RTTN: variants seen among roughly 807,000 people sequenced by gnomAD.
The protein encoded by RTTN is rotatin.
In RTTN, 182 loss-of-function variants were observed where a neutral mutation model predicts 269.2. The observed-to-expected ratio is 0.68, with a 90% CI of 0.60 to 0.76. The LOEUF is 0.76. Ranked by LOEUF, RTTN falls within the 30% of genes least tolerant of loss-of-function variation. RTTN has a pLI of 0.00. For missense variants in RTTN, 2,545 were observed against 2,608.6 expected (o/e 0.98, Z 0.53); for synonymous variants, 1,006 against 963.5 (o/e 1.04, Z -0.82).
intron 10 of RTTN, among the ~76,000 whole-genome samples, chr18:70,181,343 A>G (rs759549154): frequency 6.6e-6 from 1 of 152,218 alleles, no homozygotes; most frequent in African/African-American, 2.4e-5. Context: ...CAGGAGGTGA[A>G]AGCTACTTTC....
chr18:70,189,612 T>A (rs1289313950), intron 9 of RTTN, among the ~76,000 whole-genome samples: 2 of 152,234 alleles, frequency 1.3e-5, no homozygotes. Flanking sequence ...AAAAGAATCG[T>A]GGTTCAAGTC....
rs1216648089 is a variant in RTTN at position 70,145,793 on chromosome 18, C to T, written c.2310-10G>A. ...TGCTAGCGAACGGACCCTGAGAACA[C>T]AAAGTACTTAAGTCGAACTTTCGTG... On this transcript the variant is annotated splice_polypyrimidine_tract_variant and intron_variant, in intron 17 of 48. Coordinates refer to ENST00000640769, the MANE Select transcript of RTTN (RefSeq NM_173630.4). The T allele has an allele frequency of 6.3e-7, 1 of 1,593,740 alleles. No homozygotes were observed. Among genetic ancestry groups the T allele is most frequent in the South Asian group, 1.2e-5 (1 of 86,158 alleles).
intron 28 of RTTN, among the ~76,000 whole-genome samples, chr18:70,102,059 T>A (rs1337204884): frequency 6.6e-6 from 1 of 152,172 alleles, no homozygotes; most frequent in African/African-American, 2.4e-5. Flanking sequence ...TTCTGTTGAT[T>A]TGGGGTGGAG....
At chr18:70,109,763 G>A in intron 27 of RTTN, 46 bp from the exon 28 acceptor site, 3 of 1,420,808 alleles carry the variant, frequency 2.1e-6, no homozygotes, top group Non-Finnish European at 3.0e-6. Context: ...AAAGTATAAT[G>A]GGCTTAATGG....
intron 34 of RTTN, among the ~76,000 whole-genome samples, chr18:70,071,348 A>G (rs1198698553): frequency 1.3e-5 from 2 of 152,216 alleles, no homozygotes; most frequent in African/African-American, 4.8e-5. Flanking sequence ...AGGCTCAAAA[A>G]GAAAGGAATT....
chr18:70,186,717 C>T (rs1336945779), intron 10 of RTTN, among the ~76,000 whole-genome samples: 2 of 152,174 alleles, frequency 1.3e-5, no homozygotes, highest in Non-Finnish European at 2.9e-5. Context: ...ATATCCTTTG[C>T]GGCAACATGG....
chr18:70,077,538 A>G (rs1440685429), intron 32 of RTTN, among the ~76,000 whole-genome samples: 1 of 151,980 alleles, frequency 6.6e-6, no homozygotes, highest in Non-Finnish European at 1.5e-5. Flanking sequence ...GTATTTTAGA[A>G]GTGAGAAGTT....
intron 35 of RTTN, 75 bp from the exon 36 acceptor site, chr18:70,060,117 A>G: frequency 8.1e-7 from 1 of 1,235,690 alleles, no homozygotes; most frequent in Non-Finnish European, 1.1e-6. Context: ...TCTTATAATC[A>G]TAGGAAAGTT....
At chr18:70,041,803 A>C (rs948029685) in intron 40 of RTTN, among the ~76,000 whole-genome samples, 2 of 151,864 alleles carry the variant, frequency 1.3e-5, no homozygotes, top group Non-Finnish European at 2.9e-5. Context: ...AAATTCTGAG[A>C]CCTCAGCTGT....
chr18:70,044,364 A>T (rs1198914042), intron 40 of RTTN, among the ~76,000 whole-genome samples: 1 of 152,264 alleles, frequency 6.6e-6, no homozygotes, highest in Non-Finnish European at 1.5e-5. Flanking sequence ...ACTGATTAAT[A>T]TATCAATTAT....
chr18:70,166,222 G>GGCAAGTA, intron 13 of RTTN, 34 bp from the exon 14 acceptor site: 1 of 1,608,572 alleles, frequency 6.2e-7, no homozygotes, highest in South Asian at 1.1e-5. Flanking sequence ...AGACATGTGA[G>GGCAAGTA]GCAAGTAAGT....
At chr18:70,071,302 G>GA (rs1213367569) in intron 34 of RTTN, among the ~76,000 whole-genome samples, 4 of 151,994 alleles carry the variant, frequency 2.6e-5, no homozygotes, top group Non-Finnish European at 5.9e-5. Flanking sequence ...CTGTGTTCCA[G>GA]AAAAAAGTTT....
chr18:70,158,140 C>T (rs2060732582), intron 14 of RTTN, among the ~76,000 whole-genome samples: 1 of 152,020 alleles, frequency 6.6e-6, no homozygotes, highest in Admixed American at 6.5e-5. Flanking sequence ...CCCCAAGACA[C>T]ATAGTCATCA....
At chr18:70,111,570 T>C (rs897741310) in intron 27 of RTTN, among the ~76,000 whole-genome samples, 6 of 151,864 alleles carry the variant, frequency 4.0e-5, no homozygotes, top group African/African-American at 1.5e-4. Context: ...GAAGATCAAA[T>C]TAATGAAATA....
At chr18:70,121,286 C>T (rs984410381) in intron 26 of RTTN, among the ~76,000 whole-genome samples, 4 of 152,150 alleles carry the variant, frequency 2.6e-5, no homozygotes, top group African/African-American at 7.2e-5. Context: ...GAAATCCCCA[C>T]TTAAAAATAC....
At chr18:70,101,705 T>G (rs1160699514) in intron 28 of RTTN, among the ~76,000 whole-genome samples, 2 of 152,230 alleles carry the variant, frequency 1.3e-5, no homozygotes, top group South Asian at 4.1e-4. Context: ...CTTTCTCCTG[T>G]GGGCATTTAG....
chr18:70,014,991 G>T (rs1361929977), intron 46 of RTTN, among the ~76,000 whole-genome samples: 1 of 152,048 alleles, frequency 6.6e-6, no homozygotes, highest in Non-Finnish European at 1.5e-5. Context: ...ATTATTTTGA[G>T]GTGCATTTTA....
At chr18:70,203,832 C>T (rs1333312660) in intron 3 of RTTN, among the ~76,000 whole-genome samples, 1 of 152,146 alleles carries the variant, frequency 6.6e-6, no homozygotes, top group Non-Finnish European at 1.5e-5. Context: ...AAAAAATAAT[C>T]TGTCAAACTG....
At chr18:70,184,560 T>A (rs998281163) in intron 10 of RTTN, among the ~76,000 whole-genome samples, 1 of 150,396 alleles carries the variant, frequency 6.6e-6, no homozygotes, top group Non-Finnish European at 1.5e-5. Flanking sequence ...TTAAAAAAAA[T>A]AAAAATAAAA....
Sources: gnomAD v4.1 joint callset for allele counts (sites outside exome capture counted in the v4.1 genomes callset) on GRCh38, gnomAD v4.1.1 for gene constraint, MANE v1.5 for transcripts, NCBI Gene and HGNC (gene_info 2026-07-23, HGNC 2026-07-21) for gene names.